The following ARSG variants were observed in gnomAD, a reference collection of about 807,000 sequenced individuals.
ARSG encodes arylsulfatase G, also known as ASG.
A neutral mutation model predicts 50.5 loss-of-function variants in ARSG; 37 were observed. That is an observed-to-expected ratio of 0.73 (90% confidence interval 0.56 to 0.96). The LOEUF (loss-of-function observed/expected upper bound fraction) is 0.96. Ranked by LOEUF, ARSG falls within the 50% of genes least tolerant of loss-of-function variation. The pLI, the probability that ARSG is intolerant of heterozygous loss-of-function variation, is 0.00. For synonymous variants in ARSG, 225 were observed against 254.6 expected (o/e 0.88, Z 1.11); for missense variants, 629 against 675.3 (o/e 0.93, Z 0.76).
At chr17:68,303,264 G>A (rs1283045529) in intron 1 of ARSG, among the ~76,000 whole-genome samples, 4 of 151,982 alleles carry the variant, frequency 2.6e-5, no homozygotes, top group Non-Finnish European at 5.9e-5. Context: ...ATCTGGGATT[G>A]TAGATGTACA....
At chr17:68,427,309 G>A, downstream of ARSG, 3 of 1,323,880 alleles carry the variant, frequency 2.3e-6, no homozygotes, top group Non-Finnish European at 3.2e-6. Context: ...ATATATCTAG[G>A]ACACCTTCCA....
Position 68,420,692 on chromosome 17 carries a change from C to T in ARSG, c.*229C>T, listed in dbSNP as rs921210273. On this transcript the variant is annotated 3_prime_UTR_variant, in exon 12 of 12. Transcript: ENST00000621439. ...GGAGTGTGCCTTAATGGGAAGCACACGGGCTTTGGAGTCAGGCACAGGTGC... is the reference window on the plus strand; with the variant it reads ...GGAGTGTGCCTTAATGGGAAGCACATGGGCTTTGGAGTCAGGCACAGGTGC... 2.3e-5 allele frequency: 13 copies of T among 565,446 alleles called. No individual in the cohort carries two copies. The highest frequency in any genetic ancestry group is 4.6e-5 in the South Asian group (2 of 43,666). 35.0% of individuals were successfully genotyped at this position (565,446 alleles called of 1,614,324 possible). A position where few individuals can be genotyped will look rare whatever the true frequency, so the allele number is the denominator to read the frequency against.
chr17:68,274,591 A>C (rs1555750301), intron 1 of ARSG: 1 of 152,420 alleles, frequency 6.6e-6, no homozygotes, highest in African/African-American at 2.4e-5. Context: ...TAACAGTATA[A>C]AACTTTTATC....
At chr17:68,335,923 G>A (rs2146120172) in intron 2 of ARSG, among the ~76,000 whole-genome samples, 1 of 152,292 alleles carries the variant, frequency 6.6e-6, no homozygotes, top group Admixed American at 6.5e-5. Context: ...TTTTGAGATG[G>A]AGTCTCACTC....
At chr17:68,300,130 G>C (rs1369742421) in intron 1 of ARSG, among the ~76,000 whole-genome samples, 1 of 152,082 alleles carries the variant, frequency 6.6e-6, no homozygotes, top group African/African-American at 2.4e-5. Flanking sequence ...TTGTTGCAGA[G>C]AGATGGGGTC....
intron 9 of ARSG, among the ~76,000 whole-genome samples, chr17:68,387,965 G>A (rs1229316109): frequency 6.6e-6 from 1 of 152,176 alleles, no homozygotes; most frequent in Non-Finnish European, 1.5e-5. Flanking sequence ...ATATCGGTGT[G>A]TACCTGGGTG....
At chr17:68,303,655 G>A (rs2076503122) in intron 1 of ARSG, among the ~76,000 whole-genome samples, 1 of 151,938 alleles carries the variant, frequency 6.6e-6, no homozygotes, top group African/African-American at 2.4e-5. Flanking sequence ...TCACCATGTT[G>A]ACCAGGCTGG....
intron 2 of ARSG, among the ~76,000 whole-genome samples, chr17:68,314,615 A>G (rs188437563): frequency 9.2e-5 from 14 of 151,896 alleles, no homozygotes; most frequent in African/African-American, 3.4e-4. Flanking sequence ...GCTGAAGCAC[A>G]CGGATCCCTT....
downstream of ARSG, chr17:68,424,687 C>G: frequency 8.7e-6 from 3 of 343,270 alleles, no homozygotes; most frequent in Non-Finnish European, 1.7e-5. Flanking sequence ...ACCAGCGTGA[C>G]CAACATGGTG....
intron 9 of ARSG, among the ~76,000 whole-genome samples, chr17:68,388,178 GGC>G (rs1308005413): frequency 2.0e-5 from 3 of 152,194 alleles, no homozygotes; most frequent in Admixed American, 6.5e-5. Context: ...ACCTTCAGGA[GGC>G]CAGGGCTTTG....
At chr17:68,340,392 C>A (rs1353139665) in intron 2 of ARSG, among the ~76,000 whole-genome samples, 1 of 152,146 alleles carries the variant, frequency 6.6e-6, no homozygotes. Flanking sequence ...TCAAGCAGTT[C>A]TCATGCTTCA....
intron 1 of ARSG, among the ~76,000 whole-genome samples, chr17:68,265,350 T>G (rs1218556591): frequency 2.0e-5 from 3 of 151,436 alleles, no homozygotes; most frequent in East Asian, 1.9e-4. Context: ...AAAAACTAGC[T>G]GGGTGTGGTG....
At chr17:68,388,903 C>T (rs144052447) in intron 9 of ARSG, among the ~76,000 whole-genome samples, 3,238 of 135,396 alleles carry the variant, frequency 0.024, 133 homozygotes, top group African/African-American at 0.086. Flanking sequence ...CCAGCCTGGG[C>T]GACAGTGAGA....
chr17:68,311,582 T>G (rs782557464), intron 2 of ARSG, among the ~76,000 whole-genome samples: 1 of 151,884 alleles, frequency 6.6e-6, no homozygotes, highest in Non-Finnish European at 1.5e-5. Flanking sequence ...CATTTCCTTA[T>G]AAGAAGAGGA....
chr17:68,353,984 G>T (rs926452178), intron 5 of ARSG, among the ~76,000 whole-genome samples: 25 of 149,976 alleles, frequency 1.7e-4, no homozygotes, highest in Non-Finnish European at 3.1e-4. Flanking sequence ...TTACAGGCAT[G>T]AGCCACTGCA....
At position 68,368,529 on chromosome 17, in the gene ARSG, C is replaced by G. The variant is rs748327498; in HGVS notation, c.705-19C>G. ...AGGAGAGCCTTCTGCAGAGTCACCT[C>G]TTGGTTCTCCTGTTTCAGCACCAGC... On this transcript the variant is annotated intron_variant, in intron 6 of 11. Coordinates refer to ENST00000621439, the MANE Select transcript of ARSG (RefSeq NM_001267727.2). 30 of 1,611,308 alleles carry G rather than the reference C, an allele frequency of 1.9e-5. 1 individual carries two copies. The highest frequency in any genetic ancestry group is 1.3e-4 in the East Asian group (6 of 44,896).
At chr17:68,412,223 C>T (rs1006011955) in intron 11 of ARSG, among the ~76,000 whole-genome samples, 47 of 152,244 alleles carry the variant, frequency 3.1e-4, no homozygotes, top group African/African-American at 1.0e-3. Flanking sequence ...TCTCGATGGC[C>T]TTTACATTTT....
chr17:68,402,743 T>C (rs2081532185), intron 11 of ARSG, among the ~76,000 whole-genome samples: 1 of 152,168 alleles, frequency 6.6e-6, no homozygotes, highest in African/African-American at 2.4e-5. Context: ...GCCAGGATGG[T>C]CTTGATCTCC....
chr17:68,358,598 A>G lies in ARSG; in HGVS notation c.704+1794A>G, dbSNP rs142441901. On this transcript the variant is annotated intron_variant, in intron 6 of 11. Coordinates refer to ENST00000621439, the MANE Select transcript of ARSG (RefSeq NM_001267727.2). The stretch of plus-strand genomic sequence containing the variant: ...CAACTATTTTGGAGGCTGAGGTAGG[A>G]GAATCACTTGAGCCCGGGAGGTGGA... Among the ~76,000 whole-genome samples, 258 of 152,018 alleles carry G rather than the reference A, an allele frequency of 1.7e-3. 7 individuals are homozygous for G. In the East Asian group the frequency reaches 0.043, roughly 25 times the overall value.
Sources: gnomAD v4.1 joint callset for allele counts (sites outside exome capture counted in the v4.1 genomes callset) on GRCh38, gnomAD v4.1.1 for gene constraint, MANE v1.5 for transcripts, NCBI Gene and HGNC (gene_info 2026-07-23, HGNC 2026-07-21) for gene names.